The following EMID1 variants were observed in gnomAD, a reference collection of about 807,000 sequenced individuals.
EMID1 encodes EMI domain-containing protein 1.
Under a neutral mutation model 60.6 loss-of-function variants are expected in EMID1, and 40 were observed. The observed-to-expected ratio is 0.66, with a 90% CI of 0.51 to 0.86. The LOEUF is 0.86. Ranked by LOEUF, EMID1 falls within the 40% of genes least tolerant of loss-of-function variation. The probability of loss-of-function intolerance (pLI) is 0.00; values close to 1 mark genes in which losing one functional copy is unlikely to be tolerated. For synonymous variants in EMID1, 242 were observed against 231.0 expected (o/e 1.05, Z -0.43); for missense variants, 585 against 597.1 (o/e 0.98, Z 0.21).
intron 3 of EMID1, among the ~76,000 whole-genome samples, chr22:29,222,196 C>A (rs1054606927): frequency 6.6e-6 from 1 of 152,132 alleles, no homozygotes; most frequent in Non-Finnish European, 1.5e-5. Context: ...CAAGTTCAAG[C>A]TATCCTCCCG....
chr22:29,209,636 A>G (rs2039808053), intron 1 of EMID1, among the ~76,000 whole-genome samples: 1 of 152,154 alleles, frequency 6.6e-6, no homozygotes, highest in South Asian at 2.1e-4. Context: ...CTCCTCCAGC[A>G]CCTGCGTGAG....
At chr22:29,247,182 G>A (rs1030828623) in intron 13 of EMID1, among the ~76,000 whole-genome samples, 1 of 152,072 alleles carries the variant, frequency 6.6e-6, no homozygotes, top group African/African-American at 2.4e-5. Flanking sequence ...TGTTGGCCAG[G>A]CTGGTCTTGA....
chr22:29,206,257 A>T, intron 1 of EMID1, 118 bp downstream of exon 1: 1 of 791,018 alleles, frequency 1.3e-6, no homozygotes, highest in Non-Finnish European at 1.7e-6. Context: ...GGGTGAGGGC[A>T]GGGACACGGC....
At chr22:29,221,421 C>A (rs1377293788) in intron 3 of EMID1, among the ~76,000 whole-genome samples, 2 of 152,184 alleles carry the variant, frequency 1.3e-5, no homozygotes, top group African/African-American at 4.8e-5. Flanking sequence ...GTCGCCCAGG[C>A]TGGAGTGCAG....
At chr22:29,248,145 G>A (rs1247979843) in intron 13 of EMID1, among the ~76,000 whole-genome samples, 1 of 151,344 alleles carries the variant, frequency 6.6e-6, no homozygotes, top group African/African-American at 2.4e-5. Context: ...AGTAGAGATG[G>A]GGTTTCACCA....
At position 29,232,408 on chromosome 22, in the gene EMID1, T is replaced by C. The variant is rs1314978883; in HGVS notation, c.823+6T>C. ...TGCCCGGATCTCCCAGCATGGTGAG[T>C]CCCCCTGGGATCCCAGCAGGTGGAG... On this transcript the variant is annotated splice_donor_region_variant and intron_variant, in intron 8 of 14. Transcript: ENST00000334018. The C allele has an allele frequency of 6.4e-7, 1 of 1,562,138 alleles. No homozygotes were observed. Among genetic ancestry groups the C allele is most frequent in the Admixed American group, 2.0e-5 (1 of 50,766 alleles).
At chr22:29,233,223 C>G in intron 8 of EMID1, 156 bp from the exon 9 acceptor site, 2 of 739,156 alleles carry the variant, frequency 2.7e-6, no homozygotes, top group Non-Finnish European at 4.7e-6. Context: ...CCAACACTCT[C>G]CACACTCCTC....
intron 14 of EMID1, among the ~76,000 whole-genome samples, chr22:29,257,518 G>C (rs2041745443): frequency 6.6e-6 from 1 of 152,074 alleles, no homozygotes; most frequent in Non-Finnish European, 1.5e-5. Flanking sequence ...GTCCACCTCA[G>C]GTCTCCCCTC....
Position 29,233,420 on chromosome 22 carries a change from C to T in EMID1, c.865C>T (p.His289Tyr). ...LSNTFTETNN[H>Y]WPQGPTGPPG... Reference sequence around the variant, plus strand: ...CAACACCTTCACTGAGACCAACAACCACTGGCCCCAGGGACCCACTGGGCC... The same window carrying T: ...CAACACCTTCACTGAGACCAACAACTACTGGCCCCAGGGACCCACTGGGCC... The change falls in exon 9 of 15, where the codon CAC becomes TAC. Residue 289 changes from histidine (H) to tyrosine (Y), a missense_variant. Physicochemically the swap from His to Tyr is moderately conservative, Grantham distance 83. Coordinates refer to ENST00000334018, the MANE Select transcript of EMID1 (RefSeq NM_133455.4). The T allele has an allele frequency of 6.2e-7, 1 of 1,614,172 alleles. No homozygotes were observed. The highest frequency in any genetic ancestry group is 8.5e-7 in the Non-Finnish European group (1 of 1,179,996).
chr22:29,211,911 G>A (rs1406871478), intron 1 of EMID1, among the ~76,000 whole-genome samples: 2 of 151,812 alleles, frequency 1.3e-5, no homozygotes, highest in South Asian at 2.1e-4. Context: ...GAGGAGCCAC[G>A]ATTCACCGCA....
intron 3 of EMID1, 142 bp from the exon 4 acceptor site, chr22:29,224,991 C>T: frequency 1.3e-6 from 1 of 780,264 alleles, no homozygotes; most frequent in Admixed American, 2.4e-5. Context: ...GCTGTTTGAC[C>T]CAGATACATT....
chr22:29,235,400 A>C (rs1292795767), intron 12 of EMID1, among the ~76,000 whole-genome samples: 2 of 151,242 alleles, frequency 1.3e-5, no homozygotes, highest in African/African-American at 2.4e-5. Flanking sequence ...TTGCTGTTTA[A>C]AAACAGTTTG....
chr22:29,211,174 CT>C (rs1269873807), intron 1 of EMID1, among the ~76,000 whole-genome samples: 7 of 151,882 alleles, frequency 4.6e-5, no homozygotes, highest in African/African-American at 1.7e-4. Context: ...CTGTGTGCCC[CT>C]CTGGGCCTGC....
chr22:29,258,925 G>T lies in EMID1; in HGVS notation c.1313G>T (p.Ser438Ile). 6.2e-7 allele frequency: 1 copy of T among 1,612,874 alleles called. No homozygotes were observed. The highest frequency in any genetic ancestry group is 1.1e-5 in the South Asian group (1 of 91,030). Residue 438 changes from serine (S) to isoleucine (I), a missense_variant, in exon 15 of 15, where the codon AGC (serine) becomes ATC (isoleucine). Ser to Ile is a moderately radical substitution (Grantham distance 142). Coordinates refer to ENST00000334018, the MANE Select transcript of EMID1 (RefSeq NM_133455.4). ...ATNYRIVAPR[S>I]RDERG ...AACTACCGGATCGTGGCCCCCAGGA[G>T]CCGGGACGAGAGAGGCTGAGGGTGG...
At chr22:29,235,780 C>CTTTTTTTTTT (rs56085732) in intron 12 of EMID1, among the ~76,000 whole-genome samples, 1 of 73,866 alleles carries the variant, frequency 1.4e-5, no homozygotes, top group African/African-American at 5.4e-5. Flanking sequence ...AGAATTTAAG[C>CTTTTTTTTTT]TTTTTTTTTT....
chr22:29,218,167 C>T (rs1479099500), intron 3 of EMID1, among the ~76,000 whole-genome samples: 1 of 152,260 alleles, frequency 6.6e-6, no homozygotes, highest in African/African-American at 2.4e-5. Flanking sequence ...TCCTGCTCCC[C>T]CACCGCCTAC....
intron 13 of EMID1, among the ~76,000 whole-genome samples, chr22:29,247,599 A>G (rs1386237275): frequency 1.3e-5 from 2 of 152,254 alleles, no homozygotes; most frequent in African/African-American, 4.8e-5. Flanking sequence ...GAAAAGGTAC[A>G]GCAAAAATAC....
chr22:29,228,357 T>A (rs950884866), intron 5 of EMID1, among the ~76,000 whole-genome samples: 20 of 152,118 alleles, frequency 1.3e-4, no homozygotes, highest in African/African-American at 4.3e-4. Context: ...TTAATTAATT[T>A]AAATTAAAAA....
intron 13 of EMID1, among the ~76,000 whole-genome samples, chr22:29,246,824 GT>G (rs1424390593): frequency 1.3e-5 from 2 of 152,070 alleles, no homozygotes; most frequent in African/African-American, 2.4e-5. Flanking sequence ...TTAATTTTAT[GT>G]TTTAAAAAAT....
Sources: gnomAD v4.1 joint callset for allele counts (sites outside exome capture counted in the v4.1 genomes callset) on GRCh38, gnomAD v4.1.1 for gene constraint, MANE v1.5 for transcripts, NCBI Gene and HGNC (gene_info 2026-07-23, HGNC 2026-07-21) for gene names.